Variants in SMYD1 observed in about 807,000 individuals in gnomAD.
SMYD1 encodes the protein histone-lysine N-methyltransferase SMYD1.
Under a neutral mutation model 54.0 loss-of-function variants are expected in SMYD1, and 49 were observed. The ratio of observed to expected loss-of-function variants is 0.91; its 90% CI spans 0.72 to 1.15. SMYD1 has a LOEUF of 1.15. Among genes scored for constraint, SMYD1 ranks in the 50% most tolerant of loss-of-function variants. SMYD1 has a pLI of 0.00. For synonymous variants in SMYD1, 269 were observed against 234.2 expected (o/e 1.15, Z -1.36); for missense variants, 653 against 639.6 (o/e 1.02, Z -0.23).
intron 6 of SMYD1, among the ~76,000 whole-genome samples, 161 bp downstream of exon 6, chr2:88,096,945 G>A (rs1176527067): frequency 6.6e-6 from 1 of 152,204 alleles, no homozygotes; most frequent in Non-Finnish European, 1.5e-5. Flanking sequence ...ACCGCAGGTA[G>A]GTCCCAGCTA....
At position 88,072,003 on chromosome 2, in the gene SMYD1, GAAA is replaced by G. The variant is rs36012666; in HGVS notation, c.137+4014_137+4016del. On this transcript the variant is annotated intron_variant, in intron 1 of 9. Coordinates refer to ENST00000419482, the MANE Select transcript of SMYD1 (RefSeq NM_198274.4). ...TAATTCTCTGCAATCTTAACATTTG[GAAA>G]AAAAAAAAAAACCCCAGCTATTAAC... 5.1e-4 allele frequency among the ~76,000 whole-genome samples: 75 copies of G among 147,718 alleles called. No homozygotes were observed. The East Asian group carries it at 7.6e-3, about 15-fold the overall frequency.
At position 88,090,994 on chromosome 2, in the gene SMYD1, A is replaced by G. The variant is rs1313053147; in HGVS notation, c.529-18A>G. On this transcript the variant is annotated intron_variant, in intron 3 of 9. Transcript: ENST00000419482. Reference sequence around the variant, plus strand: ...TCCATGTCTGTCGACTGACTCTTTCATCTTTTCCCCTGGGTAGATTAACTG... The same window carrying G: ...TCCATGTCTGTCGACTGACTCTTTCGTCTTTTCCCCTGGGTAGATTAACTG... 1 of 1,606,164 alleles carries G rather than the reference A, an allele frequency of 6.2e-7. No individual in the cohort carries two copies. The highest frequency in any genetic ancestry group is 1.7e-5 in the Admixed American group (1 of 59,060).
At position 88,102,364 on chromosome 2, in the gene SMYD1, T is replaced by C. The variant is rs563790735; in HGVS notation, c.889-694T>C. Among the ~76,000 whole-genome samples the C allele has an allele frequency of 6.8e-3, 686 of 100,370 alleles. 4 individuals are homozygous for C. Among genetic ancestry groups the C allele is most frequent in the African/African-American group, 0.028 (630 of 22,906 alleles). 65.8% of individuals were successfully genotyped at this position (100,370 alleles called of 152,430 possible). A position where few individuals can be genotyped will look rare whatever the true frequency, so the allele number is the denominator to read the frequency against. On this transcript the variant is annotated intron_variant, in intron 6 of 9. Transcript: ENST00000419482. Reference sequence around the variant, plus strand: ...CCTCAAATATCAAAACCTTGTTTTGTTTTGTTTTTTTTGGTAAGATCACTA... The same window carrying C: ...CCTCAAATATCAAAACCTTGTTTTGCTTTGTTTTTTTTGGTAAGATCACTA...
intron 2 of SMYD1, 42 bp downstream of exon 2, chr2:88,084,534 G>A: frequency 2.0e-6 from 3 of 1,527,252 alleles, no homozygotes; most frequent in South Asian, 2.5e-5. Flanking sequence ...ATTTCCAAAT[G>A]TCAGGCTGGA....
chr2:88,089,031 A>G (rs2970914), intron 3 of SMYD1, among the ~76,000 whole-genome samples: 87,853 of 152,052 alleles, frequency 0.58, 25,996 homozygotes, highest in African/African-American at 0.69. Flanking sequence ...ATTGGGGGGC[A>G]AAGGGAGAGA....
At chr2:88,075,253 C>T (rs1246629458) in intron 1 of SMYD1, among the ~76,000 whole-genome samples, 3 of 152,096 alleles carry the variant, frequency 2.0e-5, no homozygotes, top group Non-Finnish European at 4.4e-5. Context: ...ATTCTTAAAT[C>T]CAGAAGTCTG....
intron 1 of SMYD1, among the ~76,000 whole-genome samples, chr2:88,083,716 T>C (rs1185927080): frequency 1.3e-5 from 2 of 152,212 alleles, no homozygotes; most frequent in African/African-American, 2.4e-5. Flanking sequence ...GCCTAATACA[T>C]TTAGGTCATC....
At chr2:88,108,594 G>A in intron 9 of SMYD1, 55 bp downstream of exon 9, 5 of 1,488,194 alleles carry the variant, frequency 3.4e-6, no homozygotes, top group Non-Finnish European at 4.5e-6. Context: ...TTCTGAGGAT[G>A]GGAGTGTGAG....
At position 88,096,489 on chromosome 2, in the gene SMYD1, T is replaced by C. The variant is rs13416638; in HGVS notation, c.699-106T>C. 1.6e-3 allele frequency: 1,521 copies of C among 978,696 alleles called. 23 individuals are homozygous for C. In the African/African-American group the frequency reaches 0.022, roughly 14 times the overall value. 60.6% of individuals were successfully genotyped at this position (978,696 alleles called of 1,614,324 possible). A position where few individuals can be genotyped will look rare whatever the true frequency, so the allele number is the denominator to read the frequency against. ...GTCAATGGGAGTTTCTGAGTGTCAG[T>C]GAAAGTCATTGTCTTTGAGACCCAA... is the stretch of plus-strand genomic sequence containing the variant. On this transcript the variant is annotated intron_variant, in intron 5 of 9. Coordinates refer to ENST00000419482, the MANE Select transcript of SMYD1 (RefSeq NM_198274.4).
intron 1 of SMYD1, among the ~76,000 whole-genome samples, chr2:88,079,100 A>C (rs1674131269): frequency 6.6e-6 from 1 of 152,262 alleles, no homozygotes; most frequent in South Asian, 2.1e-4. Context: ...TATTACAGCA[A>C]AGAATCTCAT....
chr2:88,077,720 T>C (rs1234858769), intron 1 of SMYD1, among the ~76,000 whole-genome samples: 3 of 150,212 alleles, frequency 2.0e-5, no homozygotes, highest in Non-Finnish European at 1.5e-5. Context: ...GGGTGGGCAT[T>C]TCTTTTTTTT....
chr2:88,070,976 GT>G (rs1257998324), intron 1 of SMYD1, among the ~76,000 whole-genome samples: 2 of 137,922 alleles, frequency 1.5e-5, no homozygotes, highest in Non-Finnish European at 3.1e-5. Flanking sequence ...AACAGTAATA[GT>G]TTTATCACAG....
chr2:88,076,009 C>G (rs1361593109), intron 1 of SMYD1, among the ~76,000 whole-genome samples: 1 of 152,142 alleles, frequency 6.6e-6, no homozygotes, highest in Non-Finnish European at 1.5e-5. Flanking sequence ...ACAAACTCAG[C>G]CTATCTCTCG....
chr2:88,087,079 C>CAAAAA (rs57379534), intron 2 of SMYD1, among the ~76,000 whole-genome samples: 1 of 83,856 alleles, frequency 1.2e-5, no homozygotes, highest in Non-Finnish European at 2.2e-5. Flanking sequence ...GTATAGCTTC[C>CAAAAA]AAAAAAAAAA....
intron 1 of SMYD1, among the ~76,000 whole-genome samples, chr2:88,077,542 C>A (rs1246684695): frequency 1.3e-5 from 2 of 152,128 alleles, no homozygotes; most frequent in African/African-American, 4.8e-5. Context: ...GGAGTTGATA[C>A]CTTCTTGTGT....
At chr2:88,092,072 G>T (rs1466078562) in intron 4 of SMYD1, among the ~76,000 whole-genome samples, 1 of 152,140 alleles carries the variant, frequency 6.6e-6, no homozygotes, top group East Asian at 1.9e-4. Context: ...GCTTATAACT[G>T]TGTCTAGAGA....
chr2:88,089,583 CTGTTTTT>C (rs1257427854), intron 3 of SMYD1, among the ~76,000 whole-genome samples: 8 of 114,992 alleles, frequency 7.0e-5, no homozygotes, highest in African/African-American at 2.9e-4. Context: ...GAGCTTCTAC[CTGTTTTT>C]TTTTTTTTTT....
At chr2:88,071,370 T>G (rs1673942983) in intron 1 of SMYD1, among the ~76,000 whole-genome samples, 1 of 152,226 alleles carries the variant, frequency 6.6e-6, no homozygotes, top group African/African-American at 2.4e-5. Context: ...ATGGGCTTTG[T>G]TTAGCATTAA....
intron 6 of SMYD1, among the ~76,000 whole-genome samples, chr2:88,101,675 G>T (rs1218435130): frequency 6.6e-6 from 1 of 151,598 alleles, no homozygotes; most frequent in Non-Finnish European, 1.5e-5. Flanking sequence ...GTGTGATCTC[G>T]GCTCACTGCA....
Sources: allele counts gnomAD v4.1 joint callset (sites outside exome capture counted in the v4.1 genomes callset), GRCh38; gene constraint gnomAD v4.1.1; transcripts MANE v1.5; gene names NCBI Gene and HGNC (gene_info 2026-07-23, HGNC 2026-07-21).